TPO: variants seen among roughly 807,000 people sequenced by gnomAD.
TPO encodes thyroid microsomal antigen.
In TPO, 78 loss-of-function variants were observed where a neutral mutation model predicts 96.9. The ratio of observed to expected loss-of-function variants is 0.81; its 90% confidence interval spans 0.67 to 0.97. The LOEUF is 0.97. Among genes scored for constraint, TPO ranks in the 50% least tolerant of loss-of-function variants. The pLI is 0.00. For missense variants in TPO, 1,252 were observed against 1,274.8 expected, an observed-to-expected ratio of 0.98 and a Z score of 0.27; for synonymous variants, 547 against 538.0, an observed-to-expected ratio of 1.02 and a Z score of -0.23.
At chr2:1,445,215 T>G (rs372059559) in intron 5 of TPO, among the ~76,000 whole-genome samples, 126 of 93,346 alleles carry the variant, frequency 1.3e-3, no homozygotes, top group Middle Eastern at 8.5e-3. Flanking sequence ...GCTGCAGGAG[T>G]CACCATGTTG....
chr2:1,443,669 C>T (rs1237479902), intron 5 of TPO, among the ~76,000 whole-genome samples: 2 of 126,812 alleles, frequency 1.6e-5, no homozygotes, highest in Non-Finnish European at 3.3e-5. Flanking sequence ...CCAGTCACTG[C>T]TGCAGGAGGC....
At chr2:1,393,332 TCCCACCAGG>T (rs1419448449) in intron 1 of TPO, among the ~76,000 whole-genome samples, 1 of 152,166 alleles carries the variant, frequency 6.6e-6, no homozygotes, top group Admixed American at 6.5e-5. Flanking sequence ...CCCAGTCACC[TCCCACCAGG>T]CCCACCAGGC....
intron 14 of TPO, among the ~76,000 whole-genome samples, chr2:1,507,343 C>T (rs1673579365): frequency 6.6e-6 from 1 of 152,130 alleles, no homozygotes; most frequent in Admixed American, 6.5e-5. Context: ...GTTCTTTTGG[C>T]TTAGGATTGA....
chr2:1,518,087 GTATGGAT>G (rs1674898713), intron 15 of TPO, among the ~76,000 whole-genome samples: 1 of 152,144 alleles, frequency 6.6e-6, no homozygotes, highest in Non-Finnish European at 1.5e-5. Context: ...TACCACACAT[GTATGGAT>G]TATCCAAGCC....
chr2:1,448,597 G>A (rs1416493012), intron 5 of TPO, among the ~76,000 whole-genome samples: 1 of 152,178 alleles, frequency 6.6e-6, no homozygotes. Context: ...CCACTCCTCG[G>A]CATCGGACCT....
intron 1 of TPO, among the ~76,000 whole-genome samples, chr2:1,408,280 G>A (rs538699109): frequency 7.2e-5 from 11 of 152,296 alleles, no homozygotes; most frequent in East Asian, 3.9e-4. Flanking sequence ...GTTAATGACC[G>A]AAATCAGAGC....
At chr2:1,423,554 T>TA (rs1203500528) in intron 3 of TPO, among the ~76,000 whole-genome samples, 2 of 152,316 alleles carry the variant, frequency 1.3e-5, no homozygotes, top group East Asian at 1.9e-4. Flanking sequence ...ATTTTTGAAA[T>TA]AATTAGCATT....
At chr2:1,430,366 T>C (rs1437434828) in intron 3 of TPO, among the ~76,000 whole-genome samples, 1 of 152,202 alleles carries the variant, frequency 6.6e-6, no homozygotes, top group African/African-American at 2.4e-5. Flanking sequence ...CTTAGTAGCT[T>C]CCCCTAGATT....
At chr2:1,382,922 T>G (rs1661832379) in intron 1 of TPO, among the ~76,000 whole-genome samples, 1 of 126,428 alleles carries the variant, frequency 7.9e-6, no homozygotes, top group Non-Finnish European at 1.6e-5. Context: ...TTCCCCTTCC[T>G]GTGTCCATGT....
rs1558375603 is a variant in TPO, at chr2:1,504,093, C to T, written c.2518+14C>T. 1 of 1,613,892 alleles carries T rather than the reference C, an allele frequency of 6.2e-7. No homozygotes were observed. The highest frequency in any genetic ancestry group is 1.1e-5 in the South Asian group (1 of 91,082). On this transcript the variant is annotated intron_variant, in intron 14 of 16. Transcript: ENST00000329066. ...GAACCTGCGTAGGTGAGGCTGTTCC[C>T]CTCTCTCTCTGTCCGTCCATTTGCG...
At chr2:1,522,124 CG>C in intron 15 of TPO, among the ~76,000 whole-genome samples, 1 of 147,108 alleles carries the variant, frequency 6.8e-6, no homozygotes, top group Admixed American at 6.8e-5. Context: ...TACCCGACAC[CG>C]GCCCTGCCAC....
chr2:1,503,975 A>AC lies in TPO; in HGVS notation c.2421dup (p.Cys808LeufsTer72), dbSNP rs760307139. 92 of 1,611,514 alleles carry AC rather than the reference A, an allele frequency of 5.7e-5. No individual in the cohort carries two copies. Among genetic ancestry groups the AC allele is most frequent in the Non-Finnish European group, 7.0e-5 (83 of 1,179,446 alleles). On this transcript the variant is annotated frameshift_variant, in exon 14 of 17. Transcript: ENST00000329066. LOFTEE classifies it high-confidence loss of function. ...GTGAACGAGTGTGCAGACGGTGCCC[A>AC]CCCCCCCTGCCACGCCTCTGCGAGG...
At chr2:1,411,635 C>G (rs28909983), upstream of TPO, among the ~76,000 whole-genome samples, 274 of 152,288 alleles carry the variant, frequency 1.8e-3, 9 homozygotes, top group Admixed American at 0.016. Context: ...GGTCATAGAT[C>G]CAAATGAGAC....
At chr2:1,489,939 C>CGCG in intron 10 of TPO, among the ~76,000 whole-genome samples, 1 of 114,716 alleles carries the variant, frequency 8.7e-6, no homozygotes, top group African/African-American at 3.2e-5. Flanking sequence ...CAGGAGGAGT[C>CGCG]ACGACAGAGC....
chr2:1,409,984 G>C (rs970786884), upstream of TPO, among the ~76,000 whole-genome samples: 5 of 151,306 alleles, frequency 3.3e-5, no homozygotes, highest in African/African-American at 9.7e-5. Flanking sequence ...TGGTGCCATG[G>C]GGGGGACAGG....
chr2:1,426,636 C>T (rs1393728367), intron 3 of TPO, among the ~76,000 whole-genome samples: 2 of 151,984 alleles, frequency 1.3e-5, no homozygotes, highest in African/African-American at 4.8e-5. Flanking sequence ...TACAGAAATG[C>T]ATTAGATTAT....
At chr2:1,527,394 C>CT (rs535474745) in intron 15 of TPO, among the ~76,000 whole-genome samples, 1 of 138,066 alleles carries the variant, frequency 7.2e-6, no homozygotes, top group African/African-American at 2.8e-5. Context: ...ACCCCAAATC[C>CT]CCCCCACTGT....
intron 1 of TPO, among the ~76,000 whole-genome samples, chr2:1,392,313 T>C (rs1662013711): frequency 6.6e-6 from 1 of 152,208 alleles, no homozygotes; most frequent in African/African-American, 2.4e-5. Flanking sequence ...TGTTCATTGA[T>C]TTGCATATGT....
rs2148672047 is a variant in TPO, at chr2:1,477,212, C to A, written c.946C>A (p.Gln316Lys). ...CCTGTCCACGGCCAACCCGCGGCAG[C>A]AGATGAACGGGTTGACCTCGTTCCT... is the stretch of plus-strand genomic sequence containing the variant. ...GNLSTANPRQ[Q>K]MNGLTSFLDA... Residue 316 changes from glutamine (Q) to lysine (K), a missense_variant, in exon 8 of 17, where the codon CAG becomes AAG. Gln to Lys is a moderately conservative substitution (Grantham distance 53). Coordinates refer to ENST00000329066, the MANE Select transcript of TPO (RefSeq NM_001206744.2). The A allele has an allele frequency of 6.2e-7, 1 of 1,610,094 alleles. No individual in the cohort carries two copies. The highest frequency in any genetic ancestry group is 1.7e-5 in the Admixed American group (1 of 59,736).
Sources: allele counts gnomAD v4.1 joint callset (sites outside exome capture counted in the v4.1 genomes callset), GRCh38; gene constraint gnomAD v4.1.1; transcripts MANE v1.5; gene names NCBI Gene and HGNC (gene_info 2026-07-23, HGNC 2026-07-21).